The following PPIP5K2 variants were observed in gnomAD, a reference collection of about 807,000 sequenced individuals.
PPIP5K2 encodes diphosphoinositol pentakisphosphate kinase 2, also known as inositol hexakisphosphate and diphosphoinositol-pentakisphosphate kinase 2.
Under a neutral mutation model 154.6 loss-of-function variants are expected in PPIP5K2, and 105 were observed. The ratio of observed to expected loss-of-function variants is 0.68; its 90% confidence interval spans 0.58 to 0.80. PPIP5K2 has a LOEUF of 0.80. Ranked by LOEUF, PPIP5K2 falls within the 30% of genes least tolerant of loss-of-function variation. The pLI is 0.00. For missense variants in PPIP5K2, 992 were observed against 1,504.6 expected (o/e 0.66, Z 5.64); for synonymous variants, 480 against 490.3 (o/e 0.98, Z 0.28).
chr5:103,167,441 A>G, intron 18 of PPIP5K2, 121 bp downstream of exon 18: 1 of 793,876 alleles, frequency 1.3e-6, no homozygotes, highest in Non-Finnish European at 1.9e-6. Context: ...TATGTATAGT[A>G]TGAGTTAATG....
At chr5:103,191,073 G>A (rs985588698) in intron 29 of PPIP5K2, 91 bp downstream of exon 29, 1 of 1,297,846 alleles carries the variant, frequency 7.7e-7, no homozygotes, top group Admixed American at 2.2e-5. Flanking sequence ...CATAAAAGCA[G>A]GTAGTGGTAA....
chr5:103,185,830 G>A (rs537198626), intron 26 of PPIP5K2, among the ~76,000 whole-genome samples: 40 of 151,932 alleles, frequency 2.6e-4, no homozygotes, highest in South Asian at 1.0e-3. Context: ...ATAAGAAAGA[G>A]TAGTAATTCT....
At chr5:103,178,248 G>T (rs1799005491) in intron 23 of PPIP5K2, among the ~76,000 whole-genome samples, 5 of 151,870 alleles carry the variant, frequency 3.3e-5, no homozygotes. Context: ...CACCAAAATT[G>T]ACTTTTTTGG....
intron 13 of PPIP5K2, among the ~76,000 whole-genome samples, chr5:103,155,404 GTCTTTTTTTTTTTTTTTTTTTT>G (rs1795250758): frequency 4.2e-5 from 1 of 23,896 alleles, no homozygotes; most frequent in Non-Finnish European, 1.1e-4. Context: ...CTTCAGAGTT[GTCTTTTTTTTTTTTTTTTTTTT>G]TTTTTTTTTT....
intron 2 of PPIP5K2, among the ~76,000 whole-genome samples, chr5:103,130,909 C>G (rs1463888642): frequency 6.6e-6 from 1 of 152,046 alleles, no homozygotes; most frequent in African/African-American, 2.4e-5. Flanking sequence ...ACATCCATAC[C>G]TCTCTCCCAT....
At chr5:103,173,011 CA>C in intron 19 of PPIP5K2, 143 bp from the exon 20 acceptor site, 1 of 585,296 alleles carries the variant, frequency 1.7e-6, no homozygotes, top group South Asian at 3.2e-5. Flanking sequence ...TTTGCAGTTG[CA>C]AAAAATGCAA....
In PPIP5K2 at chr5:103,129,315, T is replaced by C. The variant is rs2149452820; in HGVS notation, c.-275T>C. The C allele has an allele frequency of 4.9e-6, 1 of 204,846 alleles. No homozygotes were observed. The highest frequency in any genetic ancestry group is 2.3e-5 in the African/African-American group (1 of 43,504). 12.7% of individuals were successfully genotyped at this position (204,846 alleles called of 1,614,324 possible). A position where few individuals can be genotyped will look rare whatever the true frequency, so the allele number is the denominator to read the frequency against. The stretch of plus-strand genomic sequence containing the variant: ...TTTCATTGCATTTTAGGTAAGAAGA[T>C]TGCTGTATCAACTCAAGAAAGCAGT... On this transcript the variant is annotated 5_prime_UTR_variant, in exon 2 of 31. Coordinates refer to ENST00000358359, the MANE Select transcript of PPIP5K2 (RefSeq NM_001276277.3).
intron 29 of PPIP5K2, among the ~76,000 whole-genome samples, chr5:103,192,316 C>T (rs562203286): frequency 6.6e-6 from 1 of 152,184 alleles, no homozygotes; most frequent in Admixed American, 6.5e-5. Context: ...ACGTCAGAGA[C>T]AGGAAAATGA....
Position 103,159,187 on chromosome 5 carries a change from T to A in PPIP5K2, c.1779T>A (p.Val593=). Residue 593 remains valine, a synonymous_variant, in exon 17 of 31, where the codon GTT becomes GTA. Coordinates refer to ENST00000358359, the MANE Select transcript of PPIP5K2 (RefSeq NM_001276277.3). ...ALEGELTPIL[V]QMVKSANMNG... is the part of the protein sequence containing the mutation. Reference sequence around the variant, plus strand: ...AAGGAGAGCTTACACCCATTCTTGTTCAAATGGTGAAAAGTGCAAATATGA... The same window carrying A: ...AAGGAGAGCTTACACCCATTCTTGTACAAATGGTGAAAAGTGCAAATATGA... The A allele has an allele frequency of 6.2e-7, 1 of 1,609,234 alleles. No individual in the cohort carries two copies. The highest frequency in any genetic ancestry group is 8.5e-7 in the Non-Finnish European group (1 of 1,176,880).
rs183141650 is a variant in PPIP5K2, at chr5:103,169,584, T to C, written c.2286+1289T>C. 2.6e-5 allele frequency among the ~76,000 whole-genome samples: 4 copies of C among 151,886 alleles called. No homozygotes were observed. The East Asian group carries it at 7.7e-4, about 29-fold the overall frequency. ...GTTTCTTCAACATGAAAGAGAACTA[T>C]ATATTTGATCAGATATATAATATAG... On this transcript the variant is annotated intron_variant, in intron 19 of 30. Coordinates refer to ENST00000358359, the MANE Select transcript of PPIP5K2 (RefSeq NM_001276277.3).
chr5:103,135,643 G>A (rs1791355562), intron 3 of PPIP5K2, among the ~76,000 whole-genome samples: 2 of 152,122 alleles, frequency 1.3e-5, no homozygotes, highest in African/African-American at 4.8e-5. Flanking sequence ...TGTTGCCCAG[G>A]CTGGTGTTGA....
At chr5:103,184,883 A>G in intron 26 of PPIP5K2, 139 bp downstream of exon 26, 1 of 578,728 alleles carries the variant, frequency 1.7e-6, no homozygotes, top group Non-Finnish European at 3.0e-6. Context: ...AGAAATGTTG[A>G]GTTGTATAAC....
chr5:103,163,148 C>G (rs1362496268), intron 17 of PPIP5K2, among the ~76,000 whole-genome samples: 13 of 119,010 alleles, frequency 1.1e-4, no homozygotes, highest in African/African-American at 4.1e-4. Context: ...GTCAAAAATA[C>G]TGTTGGGATT....
rs1030362872 is a variant in PPIP5K2 at position 103,201,959 on chromosome 5, A to G, written c.*325A>G. 2 of 189,312 alleles carry G rather than the reference A, an allele frequency of 1.1e-5. No homozygotes were observed. Among genetic ancestry groups the G allele is most frequent in the Non-Finnish European group, 2.2e-5 (2 of 92,908 alleles). 11.7% of individuals were successfully genotyped at this position (189,312 alleles called of 1,614,324 possible). A position where few individuals can be genotyped will look rare whatever the true frequency, so the allele number is the denominator to read the frequency against. The stretch of plus-strand genomic sequence containing the variant: ...GTAATGCTATGTACTGCAGAGTCTG[A>G]TGAGCTGGCCTTTGTGCACACTTTT... On this transcript the variant is annotated 3_prime_UTR_variant, in exon 31 of 31. Coordinates refer to ENST00000358359, the MANE Select transcript of PPIP5K2 (RefSeq NM_001276277.3).
At chr5:103,186,959 C>T (rs559550960) in intron 27 of PPIP5K2, among the ~76,000 whole-genome samples, 5 of 152,178 alleles carry the variant, frequency 3.3e-5, no homozygotes, top group South Asian at 2.1e-4. Context: ...TTTTAAGGCT[C>T]ATGGAAGCGT....
intron 19 of PPIP5K2, among the ~76,000 whole-genome samples, chr5:103,170,399 G>A (rs940857046): frequency 2.0e-5 from 3 of 151,470 alleles, no homozygotes; most frequent in Admixed American, 1.3e-4. Flanking sequence ...GACGGTCTGA[G>A]AATTTATTTG....
At position 103,177,653 on chromosome 5, in the gene PPIP5K2, T is replaced by C. The variant is rs993133065; in HGVS notation, c.2530-14T>C. On this transcript the variant is annotated splice_polypyrimidine_tract_variant and intron_variant, in intron 21 of 30. Coordinates refer to ENST00000358359, the MANE Select transcript of PPIP5K2 (RefSeq NM_001276277.3). ...AGTTTGAGAAAATGATTACCACATG[T>C]ATCTTTTGTTCAGGAATCAAAGGAT... 5 of 1,552,296 alleles carry C rather than the reference T, an allele frequency of 3.2e-6. No individual in the cohort carries two copies. The highest frequency in any genetic ancestry group is 4.4e-6 in the Non-Finnish European group (5 of 1,134,378).
At chr5:103,140,678 A>T (rs1554206201) in intron 5 of PPIP5K2, among the ~76,000 whole-genome samples, 1 of 151,272 alleles carries the variant, frequency 6.6e-6, no homozygotes, top group East Asian at 2.0e-4. Context: ...TCTACTAAAA[A>T]TACAAAAAAT....
intron 10 of PPIP5K2, among the ~76,000 whole-genome samples, chr5:103,153,255 T>C (rs550292311): frequency 7.9e-5 from 12 of 151,962 alleles, no homozygotes; most frequent in African/African-American, 2.9e-4. Context: ...TTCATACTGA[T>C]TTAACACGCA....
Sources: gnomAD v4.1 joint callset for allele counts (sites outside exome capture counted in the v4.1 genomes callset) on GRCh38, gnomAD v4.1.1 for gene constraint, MANE v1.5 for transcripts, NCBI Gene and HGNC (gene_info 2026-07-23, HGNC 2026-07-21) for gene names.